The following ZNF326 variants were observed in gnomAD, a reference collection of about 807,000 sequenced individuals.
The protein encoded by ZNF326 is DBIRD complex subunit ZNF326.
In ZNF326, 30 loss-of-function variants were observed where a neutral mutation model predicts 63.1. The ratio of observed to expected loss-of-function variants is 0.48; its 90% CI spans 0.36 to 0.64. The LOEUF is 0.64. Ranked by LOEUF, ZNF326 falls within the 30% of genes least tolerant of loss-of-function variation. The pLI is 0.00. For missense variants in ZNF326, 609 were observed against 720.3 expected, an observed-to-expected ratio of 0.85 and a Z score of 1.77; for synonymous variants, 194 against 228.2, an observed-to-expected ratio of 0.85 and a Z score of 1.35.
intron 7 of ZNF326, among the ~76,000 whole-genome samples, chr1:90,015,490 G>A (rs909906896): frequency 3.3e-5 from 5 of 152,096 alleles, no homozygotes; most frequent in South Asian, 2.1e-4. Flanking sequence ...AACCAGCTTG[G>A]GCAACATGGT....
Position 90,010,234 on chromosome 1 carries a change from G to A in ZNF326, c.762G>A (p.Lys254=). ...ATAAGCCCAGTGGAACCTTTATCAA[G>A]AAACCCAAACTAGCAAAACCTATGG... ...PFNKPSGTFI[K]KPKLAKPMEK... is the part of the protein sequence containing the mutation. Residue 254 remains lysine, a synonymous_variant, in exon 6 of 12, where the codon AAG becomes AAA. Coordinates refer to ENST00000340281, the MANE Select transcript of ZNF326 (RefSeq NM_182976.4). 6.2e-7 allele frequency: 1 copy of A among 1,613,828 alleles called. No homozygotes were observed. The highest frequency in any genetic ancestry group is 1.1e-5 in the South Asian group (1 of 91,072).
At chr1:89,998,069 A>G in intron 1 of ZNF326, 41 bp from the exon 2 acceptor site, 1 of 1,572,818 alleles carries the variant, frequency 6.4e-7, no homozygotes, top group Non-Finnish European at 8.7e-7. Context: ...AATTATTGCT[A>G]ATATCACACT....
rs144141392 is a variant in ZNF326 at position 90,005,427 on chromosome 1, C to T, written c.209+183C>T. 304 of 1,313,890 alleles carry T rather than the reference C, an allele frequency of 2.3e-4. 3 individuals are homozygous for T. In the East Asian group the frequency reaches 8.5e-3, roughly 37 times the overall value. 81.4% of individuals were successfully genotyped at this position (1,313,890 alleles called of 1,614,324 possible). On this transcript the variant is annotated intron_variant, in intron 4 of 11. Transcript: ENST00000340281. ...AATTTAAATCAGTATTACTGGCAGACGTTATTTTAGGAAAACACCAGATAA... is the reference window on the plus strand; with the variant it reads ...AATTTAAATCAGTATTACTGGCAGATGTTATTTTAGGAAAACACCAGATAA...
In ZNF326 at chr1:90,007,623, C is replaced by A; in HGVS notation, c.488C>A (p.Pro163His). ...TCTTCCTACAGCAGTTTTTCTTCACCCCATATGAAGCCTGCACCTGTAGGC... is the reference window on the plus strand; with the variant it reads ...TCTTCCTACAGCAGTTTTTCTTCACACCATATGAAGCCTGCACCTGTAGGC... ...NYSSYSSFSSPHMKPAPVGSR... is the reference protein window; with the variant it reads ...NYSSYSSFSSHHMKPAPVGSR... The change falls in exon 5 of 12, where the codon CCC becomes CAC. Residue 163 changes from proline (P) to histidine (H), a missense_variant. Physicochemically the swap from Pro to His is moderately conservative, Grantham distance 77 (BLOSUM62 -2). Around this residue, in one of 3 missense-constraint regions of ZNF326, gnomAD observed 113 missense variants for 187.4 expected, o/e 0.60. Transcript: ENST00000340281. The surrounding 1 kb of genome is among the most constrained non-coding windows in gnomAD (Gnocchi z 4.9). 1.3e-6 allele frequency: 2 copies of A among 1,593,968 alleles called. No individual in the cohort carries two copies. Among genetic ancestry groups the A allele is most frequent in the Non-Finnish European group, 1.7e-6 (2 of 1,169,294 alleles).
chr1:90,003,065 A>G (rs535631577), intron 2 of ZNF326, among the ~76,000 whole-genome samples: 1 of 152,258 alleles, frequency 6.6e-6, no homozygotes, highest in South Asian at 2.1e-4. Flanking sequence ...TGAAAGCATG[A>G]ATTTTATCCT....
Position 89,995,129 on chromosome 1 carries a change from G to A in ZNF326, c.-129G>A, listed in dbSNP as rs982489835. 21 of 1,187,386 alleles carry A rather than the reference G, an allele frequency of 1.8e-5. No individual in the cohort carries two copies. Among genetic ancestry groups the A allele is most frequent in the Middle Eastern group, 2.1e-4 (1 of 4,852 alleles). The allele number at this position is 1,187,386 out of a possible 1,614,324, so 73.6% of individuals were successfully genotyped here. Reference sequence around the variant, plus strand: ...CTCCCCAGCCTCGCTGTGGCCTGCGGCTCCCGGGCTGGTAGCGCGCCGCTC... The same window carrying A: ...CTCCCCAGCCTCGCTGTGGCCTGCGACTCCCGGGCTGGTAGCGCGCCGCTC... On this transcript the variant is annotated 5_prime_UTR_variant, in exon 1 of 12. Coordinates refer to ENST00000340281, the MANE Select transcript of ZNF326 (RefSeq NM_182976.4).
chr1:89,997,667 G>A (rs1230909829), intron 1 of ZNF326, among the ~76,000 whole-genome samples: 3 of 152,100 alleles, frequency 2.0e-5, no homozygotes, highest in Admixed American at 6.5e-5. Flanking sequence ...CACCGTGCCC[G>A]GCCAAGATCT....
intron 6 of ZNF326, among the ~76,000 whole-genome samples, chr1:90,011,894 G>A (rs1379400527): frequency 6.6e-6 from 1 of 152,096 alleles, no homozygotes; most frequent in Non-Finnish European, 1.5e-5. Flanking sequence ...CTGGAGTGCA[G>A]TGGTGCAGTC....
Position 90,017,451 on chromosome 1 carries a change from T to C in ZNF326, c.1061T>C (p.Met354Thr), listed in dbSNP as rs756897558. The C allele has an allele frequency of 1.0e-5, 16 of 1,586,514 alleles. No homozygotes were observed. The highest frequency in any genetic ancestry group is 1.4e-5 in the African/African-American group (1 of 73,084). ...CAAACTAAATTTGATAAAGTAGTTA[T>C]GGAGTTTTTGCATGTGAGTAGCTGT... ...QKQTKFDKVV[M>T]EFLHECMVNK... is the part of the protein sequence containing the mutation. The change falls in exon 8 of 12, where the codon ATG becomes ACG. Residue 354 changes from methionine (M) to threonine (T), a missense_variant. Around this residue, in one of 3 missense-constraint regions of ZNF326, gnomAD observed 399 missense variants for 444.3 expected, o/e 0.90. Coordinates refer to ENST00000340281, the MANE Select transcript of ZNF326 (RefSeq NM_182976.4).
Position 90,007,472 on chromosome 1 carries a change from AG to A in ZNF326, c.338del (p.Ser113ThrfsTer29). On this transcript the variant is annotated frameshift_variant, in exon 5 of 12. Transcript: ENST00000340281. LOFTEE classifies it high-confidence loss of function. This position sits in a 1 kb window ranked among gnomAD's most constrained non-coding sequence, Gnocchi z 4.9. ...AGGTAGTTATGGTGGTCGATTTGAG[AG>A]CTCCTACCGGAATAGCCTTGACTCT... is the stretch of plus-strand genomic sequence containing the variant. ...FGGSYGGRFESSYRNSLDSFG... is the reference protein window; with the variant it reads ...FGGSYGGRFEXSYRNSLDSFG... 6.2e-7 allele frequency: 1 copy of A among 1,613,910 alleles called. No individual in the cohort carries two copies. The highest frequency in any genetic ancestry group is 8.5e-7 in the Non-Finnish European group (1 of 1,179,958).
In ZNF326 at chr1:89,999,698, G is replaced by T. The variant is rs1225352705; in HGVS notation, c.61+1544G>T. ...GTGCAAAACTACTCTGAATGATTTT[G>T]GAAGGCACCTCTGATTAAAGACCAA... On this transcript the variant is annotated intron_variant, in intron 2 of 11. Coordinates refer to ENST00000340281, the MANE Select transcript of ZNF326 (RefSeq NM_182976.4). 3.3e-5 allele frequency among the ~76,000 whole-genome samples: 5 copies of T among 152,100 alleles called. No homozygotes were observed. The East Asian group carries it at 9.6e-4, about 29-fold the overall frequency.
intron 7 of ZNF326, among the ~76,000 whole-genome samples, chr1:90,013,584 G>T (rs1649357484): frequency 6.6e-6 from 1 of 152,152 alleles, no homozygotes; most frequent in Non-Finnish European, 1.5e-5. Flanking sequence ...TTCCAATCCA[G>T]ATCCCAAAGG....
At chr1:90,000,545 T>G (rs1374852317) in intron 2 of ZNF326, among the ~76,000 whole-genome samples, 1 of 152,074 alleles carries the variant, frequency 6.6e-6, no homozygotes, top group Non-Finnish European at 1.5e-5. Flanking sequence ...CAAAAAAATT[T>G]TTTAAAAACA....
chr1:89,995,315 C>T (rs1557511730), intron 1 of ZNF326, 42 bp downstream of exon 1: 1 of 1,532,906 alleles, frequency 6.5e-7, no homozygotes, highest in African/African-American at 1.4e-5. Context: ...TGGCAGGAGG[C>T]GGGGTGGCCT....
At position 90,010,236 on chromosome 1, in the gene ZNF326, A is replaced by G. The variant is rs756010740; in HGVS notation, c.764A>G (p.Lys255Arg). ...FNKPSGTFIK[K>R]PKLAKPMEKI... ...AAGCCCAGTGGAACCTTTATCAAGA[A>G]ACCCAAACTAGCAAAACCTATGGAG... The change falls in exon 6 of 12, where the codon AAA becomes AGA. Residue 255 changes from lysine (K) to arginine (R), a missense_variant. By Grantham distance (26) the Lys-to-Arg change is conservative. Around this residue, in one of 3 missense-constraint regions of ZNF326, gnomAD observed 399 missense variants for 444.3 expected, o/e 0.90. Coordinates refer to ENST00000340281, the MANE Select transcript of ZNF326 (RefSeq NM_182976.4). The G allele has an allele frequency of 1.2e-6, 2 of 1,613,896 alleles. No homozygotes were observed. The highest frequency in any genetic ancestry group is 2.2e-5 in the South Asian group (2 of 91,068).
intron 2 of ZNF326, among the ~76,000 whole-genome samples, chr1:90,001,673 C>T (rs1016718710): frequency 1.4e-4 from 21 of 151,984 alleles, no homozygotes; most frequent in Admixed American, 3.3e-4. Context: ...TTTGCCTCAG[C>T]CTCCTGAGTA....
intron 8 of ZNF326, 131 bp from the exon 9 acceptor site, chr1:90,018,554 A>G: frequency 2.1e-6 from 1 of 468,884 alleles, no homozygotes; most frequent in Non-Finnish European, 3.9e-6. Context: ...ATTAAATTAT[A>G]AACTCCTTGA....
At position 90,033,546 on chromosome 1, in the gene ZNF326, G is replaced by A. The variant is rs1348189769; in HGVS notation, c.*5845G>A. The A allele has an allele frequency of 1.3e-5, 2 of 152,196 alleles. No individual in the cohort carries two copies. Among genetic ancestry groups the A allele is most frequent in the Non-Finnish European group, 2.9e-5 (2 of 67,982 alleles). The allele number at this position is 152,196 out of a possible 1,614,324, so 9.4% of individuals were successfully genotyped here. A position where few individuals can be genotyped will look rare whatever the true frequency, so the allele number is the denominator to read the frequency against. ...TGTACTAATTTTAAAAATGCAAGTT[G>A]CTATAAAGAAGTATCTTGGAAATAA... On this transcript the variant is annotated 3_prime_UTR_variant, in exon 12 of 12. Coordinates refer to ENST00000340281, the MANE Select transcript of ZNF326 (RefSeq NM_182976.4).
At chr1:90,012,257 A>G (rs1177565056) in intron 6 of ZNF326, among the ~76,000 whole-genome samples, 1 of 152,236 alleles carries the variant, frequency 6.6e-6, no homozygotes, top group Non-Finnish European at 1.5e-5. Context: ...CATACAATGG[A>G]ATATTATTAA....
Sources: allele counts gnomAD v4.1 joint callset (sites outside exome capture counted in the v4.1 genomes callset), GRCh38; gene constraint gnomAD v4.1.1; regional missense constraint gnomAD v4.1.1; non-coding constraint Gnocchi (gnomAD v3.1); transcripts MANE v1.5; gene names NCBI Gene and HGNC (gene_info 2026-07-23, HGNC 2026-07-21).